Variants in PTPRJ observed in about 807,000 individuals in gnomAD.
PTPRJ encodes receptor-type tyrosine-protein phosphatase eta.
PTPRJ carries 129 observed loss-of-function variants against 141.3 expected under a neutral mutation model. The ratio of observed to expected loss-of-function variants is 0.91; its 90% CI spans 0.79 to 1.06. The LOEUF (loss-of-function observed/expected upper bound fraction) is 1.06, where lower values mean the gene tolerates loss of function less well. Ranked by LOEUF, PTPRJ falls within the 50% of genes least tolerant of loss-of-function variation. The probability of loss-of-function intolerance (pLI) is 0.00; values close to 1 mark genes in which losing one functional copy is unlikely to be tolerated. For missense variants in PTPRJ, 1,601 were observed against 1,679.7 expected, an observed-to-expected ratio of 0.95 and a Z score of 0.82; for synonymous variants, 610 against 640.5, an observed-to-expected ratio of 0.95 and a Z score of 0.72.
At chr11:48,059,991 G>A (rs983988948) in intron 1 of PTPRJ, among the ~76,000 whole-genome samples, 3 of 152,126 alleles carry the variant, frequency 2.0e-5, no homozygotes, top group East Asian at 1.9e-4. Context: ...TGAATGGGGC[G>A]CTCTATGGAA....
intron 1 of PTPRJ, among the ~76,000 whole-genome samples, chr11:48,028,655 G>T (rs901294388): frequency 6.6e-6 from 1 of 152,220 alleles, no homozygotes; most frequent in Non-Finnish European, 1.5e-5. Flanking sequence ...GCCAGGTGTG[G>T]TGGCGGGCAC....
At chr11:48,098,146 CCTATTCAGT>C (rs1055401657) in intron 1 of PTPRJ, among the ~76,000 whole-genome samples, 1 of 152,166 alleles carries the variant, frequency 6.6e-6, no homozygotes, top group Non-Finnish European at 1.5e-5. Context: ...TCCGCGCATG[CCTATTCAGT>C]CTGACCCACA....
At chr11:48,010,947 T>C (rs1355565913) in intron 1 of PTPRJ, among the ~76,000 whole-genome samples, 1 of 152,066 alleles carries the variant, frequency 6.6e-6, no homozygotes, top group Non-Finnish European at 1.5e-5. Context: ...ATTGAGTAGC[T>C]GGGATTACAG....
intron 18 of PTPRJ, among the ~76,000 whole-genome samples, chr11:48,151,714 T>TGG (rs751502289): frequency 6.6e-6 from 1 of 151,694 alleles, no homozygotes; most frequent in Non-Finnish European, 1.5e-5. Flanking sequence ...TTTCTGTCCT[T>TGG]GCGATCGTTT....
chr11:48,163,163 A>G (rs923278050), intron 22 of PTPRJ, among the ~76,000 whole-genome samples: 7 of 152,162 alleles, frequency 4.6e-5, no homozygotes, highest in Admixed American at 2.0e-4. Flanking sequence ...ATCTGAATGC[A>G]GAATTGGAGG....
chr11:48,003,211 G>A (rs1352324051), intron 1 of PTPRJ, among the ~76,000 whole-genome samples: 1 of 152,106 alleles, frequency 6.6e-6, no homozygotes, highest in African/African-American at 2.4e-5. Context: ...AATTCATTTA[G>A]CCTTTTTCGT....
At chr11:48,023,426 G>C (rs1170472654) in intron 1 of PTPRJ, among the ~76,000 whole-genome samples, 1 of 152,100 alleles carries the variant, frequency 6.6e-6, no homozygotes, top group Non-Finnish European at 1.5e-5. Context: ...CCATTCTCAG[G>C]ATGAATCTTT....
chr11:47,989,090 A>G (rs1357244952), intron 1 of PTPRJ, among the ~76,000 whole-genome samples: 4 of 150,010 alleles, frequency 2.7e-5, no homozygotes, highest in Non-Finnish European at 5.9e-5. Context: ...TCACCGTGTT[A>G]GCCAGGATGG....
Position 48,125,150 on chromosome 11 carries a change from A to C in PTPRJ, c.1057A>C (p.Thr353Pro), listed in dbSNP as rs747269378. ...ATVYSQAANG[T>P]EGQPQAIEFR... ...CGTTTATTCCCAAGCAGCGAATGGC[A>C]CAGAAGGACAGCCCCAGGCCATAGA... Residue 353 changes from threonine to proline, a missense_variant, in exon 6 of 25, where the codon ACA becomes CCA. Physicochemically the swap from Thr to Pro is conservative, Grantham distance 38. Coordinates refer to ENST00000418331, the MANE Select transcript of PTPRJ (RefSeq NM_002843.4). 4 of 1,614,090 alleles carry C rather than the reference A, an allele frequency of 2.5e-6. No individual in the cohort carries two copies. In the Admixed American group the frequency reaches 6.7e-5, roughly 27 times the overall value.
In PTPRJ at chr11:48,153,890, A is replaced by G. The variant is rs763275646; in HGVS notation, c.3229+4A>G. The stretch of plus-strand genomic sequence containing the variant: ...CGCTATAATAATGTTCTGCCCTGTA[A>G]GTTATTTTATCTACAGCATCTTCTC... On this transcript the variant is annotated splice_donor_region_variant and intron_variant, in intron 19 of 24. Transcript: ENST00000418331. 1.9e-6 allele frequency: 3 copies of G among 1,593,622 alleles called. No homozygotes were observed. Among genetic ancestry groups the G allele is most frequent in the Admixed American group, 1.7e-5 (1 of 59,974 alleles).
At chr11:48,139,876 GT>G in intron 11 of PTPRJ, 100 bp downstream of exon 11, 3 of 1,235,410 alleles carry the variant, frequency 2.4e-6, no homozygotes, top group Non-Finnish European at 2.2e-6. Flanking sequence ...ATCTGTTTTT[GT>G]TTTTTTATTT....
intron 1 of PTPRJ, among the ~76,000 whole-genome samples, chr11:48,035,994 A>G (rs2134230391): frequency 6.6e-6 from 1 of 152,310 alleles, no homozygotes; most frequent in South Asian, 2.1e-4. Context: ...AATTTATAGG[A>G]CAGTGGGAGA....
At chr11:48,089,626 T>TA (rs892295973) in intron 1 of PTPRJ, among the ~76,000 whole-genome samples, 4 of 152,190 alleles carry the variant, frequency 2.6e-5, no homozygotes, top group African/African-American at 7.2e-5. Flanking sequence ...TTTAGTCTTT[T>TA]AAAAAATGTG....
Position 48,053,133 on chromosome 11 carries a change from TATAAATATATAAAA to T in PTPRJ, c.97-56913_97-56900del, listed in dbSNP as rs1192167818. Reference sequence around the variant, plus strand: ...ATATAAAATATATTATATATAAATATATAAATATATAAAAATAAATATATATTATATATATAAAA... The same window carrying T: ...ATATAAAATATATTATATATAAATATATAAATATATATTATATATATAAAA... On this transcript the variant is annotated intron_variant, in intron 1 of 24. Transcript: ENST00000418331. Among the ~76,000 whole-genome samples, 5 of 115,538 alleles carry T rather than the reference TATAAATATATAAAA, an allele frequency of 4.3e-5. No homozygotes were observed. The East Asian group carries it at 1.1e-3, about 25-fold the overall frequency. 75.8% of individuals were successfully genotyped at this position (115,538 alleles called of 152,430 possible). A position where few individuals can be genotyped will look rare whatever the true frequency, so the allele number is the denominator to read the frequency against.
chr11:48,152,824 C>T (rs1449184040), intron 18 of PTPRJ, among the ~76,000 whole-genome samples: 1 of 152,200 alleles, frequency 6.6e-6, no homozygotes, highest in South Asian at 2.1e-4. Context: ...CTTTTGGTTA[C>T]TGTAGCCTTG....
chr11:48,131,460 C>G (rs1261396951), intron 8 of PTPRJ: 2 of 768,844 alleles, frequency 2.6e-6, no homozygotes, highest in Non-Finnish European at 2.4e-6. Flanking sequence ...TTTTCCCCAA[C>G]TTGCCAATTA....
Position 48,150,008 on chromosome 11 carries a change from C to G in PTPRJ, c.3050+10C>G. Reference sequence around the variant, plus strand: ...CATGAAGACCTAAAAAGTGAGTAATCTCTTTATTTTTTTTAATAACTTGTA... The same window carrying G: ...CATGAAGACCTAAAAAGTGAGTAATGTCTTTATTTTTTTTAATAACTTGTA... On this transcript the variant is annotated intron_variant, in intron 17 of 24. Transcript: ENST00000418331. The G allele has an allele frequency of 6.7e-7, 1 of 1,492,914 alleles. No individual in the cohort carries two copies. Among genetic ancestry groups the G allele is most frequent in the Non-Finnish European group, 9.3e-7 (1 of 1,078,028 alleles). The allele number at this position is 1,492,914 out of a possible 1,614,324, so 92.5% of individuals were successfully genotyped here.
chr11:48,122,023 C>A (rs1245042115), intron 4 of PTPRJ, among the ~76,000 whole-genome samples: 1 of 152,006 alleles, frequency 6.6e-6, no homozygotes, highest in Admixed American at 6.5e-5. Context: ...AAATATGAAA[C>A]CAGTGGCTTC....
rs867076782 is a variant in PTPRJ, at chr11:48,121,165, A to G, written c.515A>G (p.Asn172Ser). The G allele has an allele frequency of 6.2e-7, 1 of 1,614,178 alleles. No homozygotes were observed. The highest frequency in any genetic ancestry group is 1.3e-5 in the African/African-American group (1 of 75,054). ...TITVVHQPWC[N>S]ITGLRPATSY... is the part of the protein sequence containing the mutation. ...ACTGTTGTGCATCAACCATGGTGTA[A>G]CATCACAGGCTTACGTCCAGCGACT... The change falls in exon 4 of 25, where the codon AAC (asparagine) becomes AGC (serine). Residue 172 changes from asparagine to serine, a missense_variant. Transcript: ENST00000418331.
Sources: gnomAD v4.1 joint callset for allele counts (sites outside exome capture counted in the v4.1 genomes callset) on GRCh38, gnomAD v4.1.1 for gene constraint, MANE v1.5 for transcripts, NCBI Gene and HGNC (gene_info 2026-07-23, HGNC 2026-07-21) for gene names.